CLYBL: variants seen among roughly 807,000 people sequenced by gnomAD.
CLYBL encodes citramalyl-CoA lyase.
In CLYBL, 31 loss-of-function variants were observed where a neutral mutation model predicts 38.9. The observed-to-expected ratio is 0.80, with a 90% CI of 0.60 to 1.08. The LOEUF is 1.08. CLYBL is among the 50% of genes least tolerant of loss of function. The pLI is 0.00. For synonymous variants in CLYBL, 171 were observed against 158.6 expected, an observed-to-expected ratio of 1.08 and a Z score of -0.59; for missense variants, 434 against 411.6, an observed-to-expected ratio of 1.05 and a Z score of -0.47.
At chr13:99,845,922 G>C (rs1246605900) in intron 2 of CLYBL, among the ~76,000 whole-genome samples, 1 of 150,838 alleles carries the variant, frequency 6.6e-6, no homozygotes, top group Non-Finnish European at 1.5e-5. Context: ...AATTGACAAA[G>C]AATAGGATGG....
chr13:99,815,862 G>A (rs967869085), intron 2 of CLYBL, among the ~76,000 whole-genome samples: 2 of 152,114 alleles, frequency 1.3e-5, no homozygotes, highest in Non-Finnish European at 2.9e-5. Context: ...GGGTGACGGG[G>A]AGTGAGAGCC....
chr13:99,851,111 G>A (rs887971855), intron 2 of CLYBL, among the ~76,000 whole-genome samples: 2 of 152,092 alleles, frequency 1.3e-5, no homozygotes, highest in African/African-American at 4.8e-5. Context: ...GGTGGCTCAT[G>A]CCTATAATCC....
intron 7 of CLYBL, among the ~76,000 whole-genome samples, chr13:99,882,102 T>C (rs977181272): frequency 2.0e-5 from 3 of 152,124 alleles, no homozygotes; most frequent in Non-Finnish European, 1.5e-5. Flanking sequence ...ACATTAAATA[T>C]AATTTAAAAT....
intron 2 of CLYBL, among the ~76,000 whole-genome samples, chr13:99,810,400 A>G (rs2050317153): frequency 6.6e-6 from 1 of 152,222 alleles, no homozygotes; most frequent in Non-Finnish European, 1.5e-5. Flanking sequence ...GTAACTAGAC[A>G]AAGTGTGGGG....
At chr13:99,903,366 A>G (rs1027608305) in intron 8 of CLYBL, among the ~76,000 whole-genome samples, 9 of 152,012 alleles carry the variant, frequency 5.9e-5, no homozygotes, top group African/African-American at 2.2e-4. Context: ...TTGCAAACAC[A>G]CTGGCACACA....
chr13:99,637,980 T>C (rs1214267159), intron 1 of CLYBL, among the ~76,000 whole-genome samples: 1 of 148,778 alleles, frequency 6.7e-6, no homozygotes, highest in Non-Finnish European at 1.5e-5. Flanking sequence ...TTTTTTTTTT[T>C]TGAGACAAGG....
At chr13:99,665,100 A>G (rs116282361) in intron 1 of CLYBL, among the ~76,000 whole-genome samples, 4,959 of 151,336 alleles carry the variant, frequency 0.033, 279 homozygotes, top group African/African-American at 0.11. Flanking sequence ...TATATTTGTT[A>G]TATATATTTT....
chr13:99,813,093 C>T (rs2050374361), intron 2 of CLYBL, among the ~76,000 whole-genome samples: 1 of 151,978 alleles, frequency 6.6e-6, no homozygotes, highest in Non-Finnish European at 1.5e-5. Flanking sequence ...ATGATTTTTG[C>T]TTTAAAATTC....
rs116974201 is a variant in CLYBL at position 99,907,008 on chromosome 13, C to T, written c.*161-1047C>T. On this transcript the variant is annotated intron_variant and NMD_transcript_variant, in intron 9 of 9. Transcript: ENST00000689673. Reference sequence around the variant, plus strand: ...AAAAAAGCCTCATTGGCAAATACTACTTTATTCACAGTTGCATCATGTAAA... The same window carrying T: ...AAAAAAGCCTCATTGGCAAATACTATTTTATTCACAGTTGCATCATGTAAA... Among the ~76,000 whole-genome samples the T allele has an allele frequency of 9.5e-4, 145 of 152,332 alleles. 3 individuals are homozygous for T. In the East Asian group the frequency reaches 0.025, roughly 27 times the overall value.
chr13:99,641,403 C>T (rs2047091523), intron 1 of CLYBL, among the ~76,000 whole-genome samples: 1 of 152,178 alleles, frequency 6.6e-6, no homozygotes, highest in Admixed American at 6.6e-5. Flanking sequence ...GGTGCAGTGG[C>T]TCACGCCTGT....
At chr13:99,749,303 G>A (rs1433208772) in intron 1 of CLYBL, among the ~76,000 whole-genome samples, 2 of 152,198 alleles carry the variant, frequency 1.3e-5, no homozygotes, top group African/African-American at 2.4e-5. Context: ...ACAGTATAAC[G>A]CAAACTTTAC....
chr13:99,638,597 A>G (rs934055209), intron 1 of CLYBL, among the ~76,000 whole-genome samples: 9 of 152,236 alleles, frequency 5.9e-5, no homozygotes, highest in African/African-American at 1.9e-4. Context: ...CTGTAGCCAC[A>G]TACCTGTGTA....
At chr13:99,753,127 T>A (rs2048987985) in intron 1 of CLYBL, among the ~76,000 whole-genome samples, 1 of 151,890 alleles carries the variant, frequency 6.6e-6, no homozygotes, top group Non-Finnish European at 1.5e-5. Flanking sequence ...TATGGGATGG[T>A]CCCGAGGTGA....
Position 99,783,579 on chromosome 13 carries a change from C to T in CLYBL, c.249+10569C>T, listed in dbSNP as rs532329937. On this transcript the variant is annotated intron_variant, in intron 2 of 8. Coordinates refer to ENST00000339105, the MANE Select transcript of CLYBL (RefSeq NM_206808.5). ...TCATGCCATTCTCCTGCCTCAGCCT[C>T]CAGAGTAGGTGGGACTACAGGCGCC... Among the ~76,000 whole-genome samples the T allele has an allele frequency of 8.4e-4, 127 of 152,078 alleles. No homozygotes were observed. In the Middle Eastern group the frequency reaches 0.017, roughly 20 times the overall value.
chr13:99,850,979 G>A (rs1399534623), intron 2 of CLYBL, among the ~76,000 whole-genome samples: 1 of 152,132 alleles, frequency 6.6e-6, no homozygotes, highest in African/African-American at 2.4e-5. Context: ...CAAATTCATG[G>A]GTACAGAAAG....
At chr13:99,809,914 G>A (rs915981197) in intron 2 of CLYBL, among the ~76,000 whole-genome samples, 11 of 152,212 alleles carry the variant, frequency 7.2e-5, no homozygotes, top group Non-Finnish European at 1.3e-4. Flanking sequence ...CTTGTCCCCA[G>A]GGAATGGGGA....
At chr13:99,667,462 A>G (rs2047499955) in intron 1 of CLYBL, among the ~76,000 whole-genome samples, 1 of 148,582 alleles carries the variant, frequency 6.7e-6, no homozygotes, top group Non-Finnish European at 1.5e-5. Context: ...TTTTTAGAAA[A>G]TAAACAATTG....
chr13:99,748,484 G>A (rs1327863254), intron 1 of CLYBL, among the ~76,000 whole-genome samples: 2 of 125,482 alleles, frequency 1.6e-5, no homozygotes, highest in Non-Finnish European at 3.2e-5. Flanking sequence ...CTGTCGCCCA[G>A]GTTGGAGTGC....
At chr13:99,891,278 C>T (rs377508516) in intron 7 of CLYBL, 40 bp from the exon 8 acceptor site, 25 of 1,395,590 alleles carry the variant, frequency 1.8e-5, no homozygotes, top group Admixed American at 3.4e-5. Flanking sequence ...CCTATAATTT[C>T]GAGTATTCTT....
Sources: allele counts gnomAD v4.1 joint callset (sites outside exome capture counted in the v4.1 genomes callset), GRCh38; gene constraint gnomAD v4.1.1; transcripts MANE v1.5; gene names NCBI Gene and HGNC (gene_info 2026-07-23, HGNC 2026-07-21).